Variants in SCCPDH observed in about 807,000 individuals in gnomAD.
SCCPDH encodes the protein saccharopine dehydrogenase-like oxidoreductase.
In SCCPDH, 34 loss-of-function variants were observed where a neutral mutation model predicts 51.5. The ratio of observed to expected loss-of-function variants is 0.66; its 90% CI spans 0.50 to 0.88. The LOEUF (loss-of-function observed/expected upper bound fraction) is 0.88. Among genes scored for constraint, SCCPDH ranks in the 40% least tolerant of loss-of-function variants. The pLI is 0.00. For missense variants in SCCPDH, 464 were observed against 527.1 expected, an observed-to-expected ratio of 0.88 and a Z score of 1.17; for synonymous variants, 187 against 191.3, an observed-to-expected ratio of 0.98 and a Z score of 0.19.
At chr1:246,758,955 C>T (rs1668972764) in intron 6 of SCCPDH, 79 bp from the exon 7 acceptor site, 2 of 855,742 alleles carry the variant, frequency 2.3e-6, no homozygotes, top group Admixed American at 1.7e-5. Context: ...TGCCCTGCCA[C>T]TGATTTGCTT....
At chr1:246,758,853 T>C (rs1252569114) in intron 6 of SCCPDH, among the ~76,000 whole-genome samples, 181 bp from the exon 7 acceptor site, 1 of 152,154 alleles carries the variant, frequency 6.6e-6, no homozygotes, top group East Asian at 1.9e-4. Context: ...AGAGTCTCTC[T>C]TTGTTGCCCA....
At chr1:246,759,177 A>T (rs1359245949) in intron 7 of SCCPDH, 26 bp downstream of exon 7, 1 of 1,197,306 alleles carries the variant, frequency 8.4e-7, no homozygotes, top group South Asian at 1.2e-5. Flanking sequence ...TTATTTATCA[A>T]TAAAGTGTGT....
At chr1:246,747,625 CA>C (rs1237626904) in intron 5 of SCCPDH, among the ~76,000 whole-genome samples, 1 of 152,188 alleles carries the variant, frequency 6.6e-6, no homozygotes, top group Non-Finnish European at 1.5e-5. Flanking sequence ...CACACCTGAA[CA>C]AGGGAGGGGA....
At chr1:246,746,358 C>T (rs988709577) in intron 5 of SCCPDH, among the ~76,000 whole-genome samples, 3 of 152,118 alleles carry the variant, frequency 2.0e-5, no homozygotes, top group Non-Finnish European at 4.4e-5. Flanking sequence ...AGTGCTTTTC[C>T]ATACAATGTC....
At chr1:246,734,450 T>A (rs187924638) in intron 2 of SCCPDH, among the ~76,000 whole-genome samples, 1 of 152,342 alleles carries the variant, frequency 6.6e-6, no homozygotes, top group Admixed American at 6.5e-5. Flanking sequence ...TGAACTTGGG[T>A]CTTACTGCCT....
At chr1:246,767,137 GA>G in intron 11 of SCCPDH, 57 bp from the exon 12 acceptor site, 1 of 1,232,060 alleles carries the variant, frequency 8.1e-7, no homozygotes. Flanking sequence ...TGAGGCCTGT[GA>G]AATAGGAGAC....
chr1:246,736,056 G>A lies in SCCPDH; in HGVS notation c.384+1G>A, dbSNP rs756327771. On this transcript the variant is annotated splice_donor_variant, in intron 3 of 11. Transcript: ENST00000366510. LOFTEE classifies it high-confidence loss of function. Reference sequence around the variant, plus strand: ...TATCGACATCAGTGGAGAACCTCAGGTATAAAAAATAAAAAGGAAAAACGT... The same window carrying A: ...TATCGACATCAGTGGAGAACCTCAGATATAAAAAATAAAAAGGAAAAACGT... 6 of 1,596,706 alleles carry A rather than the reference G, an allele frequency of 3.8e-6. No individual in the cohort carries two copies. Among genetic ancestry groups the A allele is most frequent in the Middle Eastern group, 3.3e-4 (2 of 6,018 alleles).
rs138422300 is a variant in SCCPDH, at chr1:246,726,959, T to C, written c.258T>C (p.Asp86=). 6.2e-7 allele frequency: 1 copy of C among 1,614,192 alleles called. No homozygotes were observed. Among genetic ancestry groups the C allele is most frequent in the Non-Finnish European group, 8.5e-7 (1 of 1,179,988 alleles). Residue 86 remains aspartate (D), a synonymous_variant, in exon 2 of 12, where the codon GAT becomes GAC. Coordinates refer to ENST00000366510, the MANE Select transcript of SCCPDH (RefSeq NM_016002.3). ...ICDIANPASL[D]EMAKQATVVL... is the part of the protein sequence containing the mutation. ...ATATTGCTAATCCAGCCTCGCTTGA[T>C]GAAATGGCTAAACAGGCAACAGTTG...
At chr1:246,742,695 T>A (rs1668698714) in intron 4 of SCCPDH, among the ~76,000 whole-genome samples, 1 of 152,230 alleles carries the variant, frequency 6.6e-6, no homozygotes, top group African/African-American at 2.4e-5. Context: ...TTGCTTGGTG[T>A]CAACTTTGTA....
intron 1 of SCCPDH, among the ~76,000 whole-genome samples, chr1:246,726,401 ATTT>A (rs34215381): frequency 4.2e-5 from 6 of 144,034 alleles, no homozygotes; most frequent in African/African-American, 1.0e-4. Flanking sequence ...ATGTCAGATA[ATTT>A]TTTTTTTTTT....
intron 10 of SCCPDH, 152 bp from the exon 11 acceptor site, chr1:246,765,906 C>T (rs898781338): frequency 1.3e-5 from 8 of 604,386 alleles, no homozygotes; most frequent in East Asian, 5.3e-5. Flanking sequence ...TAAATACTTT[C>T]GATATGTTAT....
At chr1:246,727,512 C>A (rs575368524) in intron 2 of SCCPDH, among the ~76,000 whole-genome samples, 1 of 152,222 alleles carries the variant, frequency 6.6e-6, no homozygotes, top group East Asian at 1.9e-4. Flanking sequence ...GTGGACATTA[C>A]GTTCTTGGGG....
chr1:246,731,111 A>C (rs1668484218), intron 2 of SCCPDH, among the ~76,000 whole-genome samples: 2 of 152,148 alleles, frequency 1.3e-5, no homozygotes, highest in South Asian at 4.1e-4. Context: ...TGCGGTTCTG[A>C]CCTTTGAGCC....
At chr1:246,730,256 T>G (rs1668471981) in intron 2 of SCCPDH, among the ~76,000 whole-genome samples, 1 of 152,198 alleles carries the variant, frequency 6.6e-6, no homozygotes, top group Non-Finnish European at 1.5e-5. Context: ...AGTCTTCATC[T>G]GAAAGCTTGC....
At chr1:246,763,424 G>A (rs193070454) in intron 9 of SCCPDH, among the ~76,000 whole-genome samples, 1 of 152,210 alleles carries the variant, frequency 6.6e-6, no homozygotes, top group East Asian at 1.9e-4. Flanking sequence ...TTCTGGAAAG[G>A]CTATGCTACT....
Position 246,726,989 on chromosome 1 carries a change from C to G in SCCPDH, c.288C>G (p.Leu96=), listed in dbSNP as rs576415150. The change falls in exon 2 of 12, where the codon CTC becomes CTG. Residue 96 remains leucine, a synonymous_variant. Transcript: ENST00000366510. ...TGGCTAAACAGGCAACAGTTGTCCT[C>G]AATTGCGTAGGACCAGTAAGTAATC... is the stretch of plus-strand genomic sequence containing the variant. The part of the protein sequence containing the change: ...DEMAKQATVV[L]NCVGPYRFYG... 1.1e-5 allele frequency: 17 copies of G among 1,610,532 alleles called. No homozygotes were observed. The highest frequency in any genetic ancestry group is 1.7e-5 in the Admixed American group (1 of 60,006).
intron 3 of SCCPDH, among the ~76,000 whole-genome samples, chr1:246,739,555 T>C (rs1434372506): frequency 6.6e-6 from 1 of 152,218 alleles, no homozygotes; most frequent in Non-Finnish European, 1.5e-5. Context: ...CAGAATGAAC[T>C]GTGAACTTTA....
intron 2 of SCCPDH, among the ~76,000 whole-genome samples, chr1:246,735,500 G>A (rs1668551700): frequency 6.6e-6 from 1 of 152,136 alleles, no homozygotes; most frequent in South Asian, 2.1e-4. Context: ...TATTCACACT[G>A]TGAGAGATGG....
intron 2 of SCCPDH, among the ~76,000 whole-genome samples, chr1:246,731,031 G>T (rs1668483277): frequency 6.6e-6 from 1 of 152,206 alleles, no homozygotes; most frequent in Admixed American, 6.5e-5. Context: ...TTGTATTCAA[G>T]CCTGGGCAGC....
Sources: allele counts gnomAD v4.1 joint callset (sites outside exome capture counted in the v4.1 genomes callset), GRCh38; gene constraint gnomAD v4.1.1; transcripts MANE v1.5; gene names NCBI Gene and HGNC (gene_info 2026-07-23, HGNC 2026-07-21).